TSHZ2: variants seen among roughly 807,000 people sequenced by gnomAD.
The protein encoded by TSHZ2 is teashirt homolog 2.
A neutral mutation model predicts 74.4 loss-of-function variants in TSHZ2; 21 were observed. That is an observed-to-expected ratio of 0.28 (90% CI 0.20 to 0.41). The LOEUF (loss-of-function observed/expected upper bound fraction) is 0.41. Among genes scored for constraint, TSHZ2 ranks in the 10% least tolerant of loss-of-function variants. TSHZ2 has a pLI of 1.00. For missense variants in TSHZ2, 1,244 were observed against 1,293.5 expected (o/e 0.96, Z 0.59); for synonymous variants, 540 against 515.3 (o/e 1.05, Z -0.65).
At chr20:53,436,547 TA>T (rs386419779) in intron 2 of TSHZ2, among the ~76,000 whole-genome samples, 143 of 95,962 alleles carry the variant, frequency 1.5e-3, no homozygotes, top group African/African-American at 1.8e-3. Flanking sequence ...TTATTATTAT[TA>T]TTTTTTTTTT....
intron 2 of TSHZ2, among the ~76,000 whole-genome samples, chr20:53,469,555 G>GGGAAGGAAGGAAGGAAGGAAGGAAGGAA (rs142116366): frequency 4.2e-4 from 33 of 78,356 alleles, no homozygotes; most frequent in African/African-American, 1.7e-3. Flanking sequence ...GAAAGAAGGA[G>GGGAAGGAAGGAAGGAAGGAAGGAAGGAA]GGAAGGAAGG....
chr20:53,431,142 A>G (rs900796829), intron 2 of TSHZ2, among the ~76,000 whole-genome samples: 2 of 152,136 alleles, frequency 1.3e-5, no homozygotes, highest in African/African-American at 4.8e-5. Flanking sequence ...CACTCCCTGT[A>G]TTAACATCAC....
At chr20:53,380,892 C>G (rs1374862128) in intron 2 of TSHZ2, among the ~76,000 whole-genome samples, 2 of 152,180 alleles carry the variant, frequency 1.3e-5, no homozygotes, top group Non-Finnish European at 2.9e-5. Context: ...AGAATCCTCT[C>G]TATCCCAAAA....
chr20:53,069,884 C>T (rs1600674950), intron 1 of TSHZ2, among the ~76,000 whole-genome samples: 1 of 152,170 alleles, frequency 6.6e-6, no homozygotes, highest in East Asian at 1.9e-4. Flanking sequence ...TAATGAAAAT[C>T]AGCTTATTCT....
rs954225673 is a variant in TSHZ2 at position 53,158,752 on chromosome 20, C to T, written c.41-94747C>T. ...CACCCCCTCCCCAACCATGGAGGGA[C>T]AAGCTAAATCCCTCCTTCATCACCA... On this transcript the variant is annotated intron_variant, in intron 1 of 2. Coordinates refer to ENST00000371497, the MANE Select transcript of TSHZ2 (RefSeq NM_173485.6). 2.0e-5 allele frequency among the ~76,000 whole-genome samples: 3 copies of T among 152,132 alleles called. No homozygotes were observed. In the South Asian group the frequency reaches 6.2e-4, roughly 32 times the overall value.
chr20:53,416,694 C>T (rs1370478724), intron 2 of TSHZ2, among the ~76,000 whole-genome samples: 5 of 152,262 alleles, frequency 3.3e-5, no homozygotes, highest in African/African-American at 1.2e-4. Context: ...ACCCCATGAT[C>T]TCCCATCATG....
chr20:53,479,653 T>C (rs1364065851), intron 2 of TSHZ2, among the ~76,000 whole-genome samples: 3 of 152,266 alleles, frequency 2.0e-5, no homozygotes, highest in Admixed American at 1.3e-4. Context: ...TTTGTGTTTA[T>C]ATGTAAAACA....
intron 1 of TSHZ2, among the ~76,000 whole-genome samples, chr20:53,102,417 A>G (rs1207909014): frequency 1.3e-5 from 2 of 151,490 alleles, no homozygotes; most frequent in Non-Finnish European, 2.9e-5. Flanking sequence ...GAAAAGAAAG[A>G]AAGGAAAGGG....
chr20:53,285,613 G>A (rs1005597031), intron 2 of TSHZ2, among the ~76,000 whole-genome samples: 10 of 152,096 alleles, frequency 6.6e-5, no homozygotes, highest in African/African-American at 1.9e-4. Flanking sequence ...GGGAGGCTGA[G>A]GCAGGAGAAT....
chr20:53,339,942 A>G (rs1217609146), intron 2 of TSHZ2, among the ~76,000 whole-genome samples: 1 of 152,004 alleles, frequency 6.6e-6, no homozygotes, highest in Non-Finnish European at 1.5e-5. Flanking sequence ...CCAAATCCCA[A>G]TGTGTGTCTG....
At chr20:53,297,546 G>A (rs1376121878) in intron 2 of TSHZ2, among the ~76,000 whole-genome samples, 2 of 152,208 alleles carry the variant, frequency 1.3e-5, no homozygotes, top group Non-Finnish European at 2.9e-5. Flanking sequence ...ATGAGCCACT[G>A]CACCTGGCCA....
intron 1 of TSHZ2, among the ~76,000 whole-genome samples, chr20:53,008,864 A>G (rs1017208461): frequency 3.9e-5 from 6 of 152,214 alleles, no homozygotes; most frequent in African/African-American, 1.4e-4. Context: ...CTATACAAAT[A>G]TACCTGTGCT....
At chr20:53,193,857 A>C (rs913783171) in intron 1 of TSHZ2, among the ~76,000 whole-genome samples, 7 of 151,616 alleles carry the variant, frequency 4.6e-5, no homozygotes, top group African/African-American at 1.7e-4. Context: ...GTTGACAGTA[A>C]GAGGGAGGAA....
rs1418588517 is a variant in TSHZ2 at position 53,489,346 on chromosome 20, T to C, written c.*2211T>C. 2.7e-6 allele frequency: 1 copy of C among 372,142 alleles called. No individual in the cohort carries two copies. The highest frequency in any genetic ancestry group is 7.2e-5 in the East Asian group (1 of 13,814). The allele number at this position is 372,142 out of a possible 1,614,324, so 23.1% of individuals were successfully genotyped here. On this transcript the variant is annotated 3_prime_UTR_variant, in exon 3 of 3. Coordinates refer to ENST00000371497, the MANE Select transcript of TSHZ2 (RefSeq NM_173485.6). Reference sequence around the variant, plus strand: ...GAACAGTCTTCAGATGGGTTAAGATTGAAGGGTGGACTGGACTCTACTGAG... The same window carrying C: ...GAACAGTCTTCAGATGGGTTAAGATCGAAGGGTGGACTGGACTCTACTGAG...
intron 1 of TSHZ2, among the ~76,000 whole-genome samples, chr20:53,059,793 C>T (rs183400971): frequency 1.3e-5 from 2 of 152,154 alleles, no homozygotes; most frequent in Admixed American, 6.5e-5. Flanking sequence ...AGAACTAAAG[C>T]GACTGTCTTT....
At position 53,035,964 on chromosome 20, in the gene TSHZ2, A is replaced by G. The variant is rs951012560; in HGVS notation, c.40+62631A>G. ...AATATCAGTGATTAAGAAAATATAC[A>G]CATATTATTCACTTAAATATAAAAT... On this transcript the variant is annotated intron_variant, in intron 1 of 2. Transcript: ENST00000371497. Among the ~76,000 whole-genome samples the G allele has an allele frequency of 1.9e-3, 239 of 123,124 alleles. 1 individual carries two copies. The highest frequency in any genetic ancestry group is 2.7e-3 in the Non-Finnish European group (141 of 52,262). The allele number at this position is 123,124 out of a possible 152,430, so 80.8% of individuals were successfully genotyped here. A position where few individuals can be genotyped will look rare whatever the true frequency, so the allele number is the denominator to read the frequency against.
intron 1 of TSHZ2, among the ~76,000 whole-genome samples, chr20:53,089,320 C>CTTTTTTTTTTTTTTTTTT (rs5841928): frequency 2.0e-5 from 2 of 100,022 alleles, no homozygotes; most frequent in Non-Finnish European, 4.1e-5. Context: ...ATGGGATTTT[C>CTTTTTTTTTTTTTTTTTT]TTTTTTTTTT....
At chr20:52,989,432 G>T (rs891505617) in intron 1 of TSHZ2, among the ~76,000 whole-genome samples, 3 of 152,072 alleles carry the variant, frequency 2.0e-5, no homozygotes, top group African/African-American at 4.8e-5. Context: ...ATAGAAGAAA[G>T]AACTGTTAAA....
At chr20:53,472,783 C>T (rs1600667746) in intron 2 of TSHZ2, among the ~76,000 whole-genome samples, 2 of 150,574 alleles carry the variant, frequency 1.3e-5, no homozygotes, top group African/African-American at 4.9e-5. Flanking sequence ...ACAGTGGGCG[C>T]AGGTCAGTGG....
Sources: gnomAD v4.1 joint callset for allele counts (sites outside exome capture counted in the v4.1 genomes callset) on GRCh38, gnomAD v4.1.1 for gene constraint, MANE v1.5 for transcripts, NCBI Gene and HGNC (gene_info 2026-07-23, HGNC 2026-07-21) for gene names.